Variants in SNCAIP observed in about 807,000 individuals in gnomAD.
SNCAIP encodes synuclein alpha interacting protein, also known as synphilin-1.
A neutral mutation model predicts 86.7 loss-of-function variants in SNCAIP; 43 were observed. The ratio of observed to expected loss-of-function variants is 0.50; its 90% CI spans 0.39 to 0.64. The LOEUF (loss-of-function observed/expected upper bound fraction) is 0.64, where lower values mean the gene tolerates loss of function less well. Among genes scored for constraint, SNCAIP ranks in the 30% least tolerant of loss-of-function variants. The pLI is 0.00. For synonymous variants in SNCAIP, 417 were observed against 427.2 expected (o/e 0.98, Z 0.29); for missense variants, 981 against 1,103.1 (o/e 0.89, Z 1.57).
In SNCAIP at chr5:122,378,819, T is replaced by A. The variant is rs554548700; in HGVS notation, c.-46-12270T>A. 1.2e-3 allele frequency among the ~76,000 whole-genome samples: 169 copies of A among 145,746 alleles called. 20 individuals carry two copies. The highest frequency in any genetic ancestry group is 4.0e-3 in the African/African-American group (157 of 38,974). On this transcript the variant is annotated intron_variant, in intron 1 of 10. Transcript: ENST00000261368. ...GGGAATCCTTCCCCATTGCTTGTTTTTCTCAGGTTTGTCAAAGATCAGATA... is the reference window on the plus strand; with the variant it reads ...GGGAATCCTTCCCCATTGCTTGTTTATCTCAGGTTTGTCAAAGATCAGATA...
At chr5:122,336,376 C>A (rs1252790572) in intron 1 of SNCAIP, among the ~76,000 whole-genome samples, 1 of 152,216 alleles carries the variant, frequency 6.6e-6, no homozygotes, top group Non-Finnish European at 1.5e-5. Context: ...GATCATACAG[C>A]TGGTTACTGG....
chr5:122,416,890 A>G (rs1000168674), intron 3 of SNCAIP, among the ~76,000 whole-genome samples: 13 of 152,234 alleles, frequency 8.5e-5, no homozygotes, highest in Non-Finnish European at 4.4e-5. Context: ...TCCAGTAGCT[A>G]TGGATGTGAG....
chr5:122,433,070 A>T (rs1344391809), intron 6 of SNCAIP, among the ~76,000 whole-genome samples: 1 of 151,388 alleles, frequency 6.6e-6, no homozygotes, highest in Non-Finnish European at 1.5e-5. Context: ...AGTGGGAGTC[A>T]TGCTTAGGGA....
chr5:122,322,976 T>A (rs1210291613), intron 1 of SNCAIP, among the ~76,000 whole-genome samples: 1 of 152,190 alleles, frequency 6.6e-6, no homozygotes, highest in Admixed American at 6.5e-5. Flanking sequence ...TGTGTTGGTG[T>A]AATTGAAAAC....
chr5:122,357,859 G>A (rs1423940338), intron 1 of SNCAIP, among the ~76,000 whole-genome samples: 1 of 152,090 alleles, frequency 6.6e-6, no homozygotes, highest in African/African-American at 2.4e-5. Flanking sequence ...ACATTGGACA[G>A]CACAGATACA....
intron 1 of SNCAIP, chr5:122,388,797 A>C (rs1436950287): frequency 1.3e-5 from 2 of 152,252 alleles, no homozygotes; most frequent in Admixed American, 6.5e-5. Flanking sequence ...GAAACCAGAC[A>C]AAATAAATTG....
intron 1 of SNCAIP, among the ~76,000 whole-genome samples, chr5:122,313,330 C>T (rs1334594979): frequency 1.3e-5 from 2 of 152,226 alleles, no homozygotes; most frequent in Non-Finnish European, 1.5e-5. Flanking sequence ...AGGACAGTCT[C>T]GCCACACACC....
intron 1 of SNCAIP, among the ~76,000 whole-genome samples, chr5:122,383,809 T>TA (rs1306588777): frequency 6.6e-6 from 1 of 152,218 alleles, no homozygotes; most frequent in African/African-American, 2.4e-5. Flanking sequence ...TCAAGTTTTC[T>TA]AAAACAGTGC....
chr5:122,326,012 G>T (rs1002517121), intron 1 of SNCAIP, among the ~76,000 whole-genome samples: 1 of 152,144 alleles, frequency 6.6e-6, no homozygotes, highest in Non-Finnish European at 1.5e-5. Flanking sequence ...TAACCTAATT[G>T]GGATAATTGG....
At chr5:122,368,921 T>G (rs2152786259) in intron 1 of SNCAIP, among the ~76,000 whole-genome samples, 1 of 152,252 alleles carries the variant, frequency 6.6e-6, no homozygotes, top group East Asian at 1.9e-4. Flanking sequence ...GTAAGAGATT[T>G]GGTAATTCCT....
At position 122,423,396 on chromosome 5, in the gene SNCAIP, A is replaced by C. The variant is rs1776778235; in HGVS notation, c.659A>C (p.Lys220Thr). The C allele has an allele frequency of 1.2e-6, 2 of 1,613,490 alleles. No individual in the cohort carries two copies. Among genetic ancestry groups the C allele is most frequent in the African/African-American group, 1.3e-5 (1 of 74,846 alleles). Residue 220 changes from lysine (K) to threonine (T), a missense_variant, in exon 4 of 11, where the codon AAA becomes ACA. Coordinates refer to ENST00000261368, the MANE Select transcript of SNCAIP (RefSeq NM_005460.4). ...LSPVKSPHLR[K>T]ASAVIHDQHK... ...CCCGTGAAAAGCCCTCACTTGAGAAAAGCATCAGCTGTCATCCACGACCAG... is the reference window on the plus strand; with the variant it reads ...CCCGTGAAAAGCCCTCACTTGAGAACAGCATCAGCTGTCATCCACGACCAG...
chr5:122,445,880 A>C (rs1782192904), intron 8 of SNCAIP, among the ~76,000 whole-genome samples: 2 of 148,266 alleles, frequency 1.3e-5, no homozygotes, highest in African/African-American at 2.5e-5. Flanking sequence ...CTCTCCTTCC[A>C]CTCTTTTGCC....
At chr5:122,348,104 C>T (rs566248518) in intron 1 of SNCAIP, among the ~76,000 whole-genome samples, 2 of 152,056 alleles carry the variant, frequency 1.3e-5, no homozygotes, top group Non-Finnish European at 2.9e-5. Flanking sequence ...TTGGGATTCC[C>T]CCATCCATTA....
chr5:122,398,919 A>T (rs528371335), intron 2 of SNCAIP, among the ~76,000 whole-genome samples: 1 of 152,246 alleles, frequency 6.6e-6, no homozygotes, highest in South Asian at 2.1e-4. Context: ...TGGCATGGTG[A>T]CAAAACTGAC....
intron 3 of SNCAIP, among the ~76,000 whole-genome samples, chr5:122,411,457 C>T (rs1361020664): frequency 6.6e-6 from 1 of 152,134 alleles, no homozygotes; most frequent in African/African-American, 2.4e-5. Context: ...CCAGTTCTTC[C>T]TGAAAGCATA....
chr5:122,364,049 A>T (rs1047965755), intron 1 of SNCAIP, among the ~76,000 whole-genome samples: 1 of 152,042 alleles, frequency 6.6e-6, no homozygotes, highest in African/African-American at 2.4e-5. Context: ...CAGACTGTCC[A>T]TGAACTCCTG....
chr5:122,418,236 G>C (rs1358973555), intron 3 of SNCAIP, among the ~76,000 whole-genome samples: 1 of 152,194 alleles, frequency 6.6e-6, no homozygotes, highest in Non-Finnish European at 1.5e-5. Flanking sequence ...ACAAATACAA[G>C]AGCTGCTACA....
chr5:122,384,024 T>G (rs1767561480), intron 1 of SNCAIP, among the ~76,000 whole-genome samples: 1 of 152,196 alleles, frequency 6.6e-6, no homozygotes, highest in Admixed American at 6.5e-5. Flanking sequence ...ATGTCTACCA[T>G]TTCTGTTTAA....
intron 3 of SNCAIP, among the ~76,000 whole-genome samples, chr5:122,411,124 A>G (rs1774029127): frequency 6.6e-6 from 1 of 152,238 alleles, no homozygotes; most frequent in Admixed American, 6.5e-5. Context: ...CTGGTAAGTA[A>G]AGAAACCGCC....
Sources: allele counts gnomAD v4.1 joint callset (sites outside exome capture counted in the v4.1 genomes callset), GRCh38; gene constraint gnomAD v4.1.1; transcripts MANE v1.5; gene names NCBI Gene and HGNC (gene_info 2026-07-23, HGNC 2026-07-21).